RPGR: variants seen among roughly 807,000 people sequenced by gnomAD.
RPGR encodes X-linked retinitis pigmentosa GTPase regulator.
A neutral mutation model predicts 56.3 loss-of-function variants in RPGR; 10 were observed. The ratio of observed to expected loss-of-function variants is 0.18; its 90% CI spans 0.11 to 0.30. The LOEUF (loss-of-function observed/expected upper bound fraction) is 0.30, where lower values mean the gene tolerates loss of function less well. Among genes scored for constraint, RPGR ranks in the 10% least tolerant of loss-of-function variants. The pLI is 1.00. For synonymous variants in RPGR, 197 were observed against 212.9 expected (o/e 0.93, Z 0.65); for missense variants, 538 against 590.9 (o/e 0.91, Z 0.93).
rs902148095 is a variant in RPGR at position 38,287,042 on chromosome X, C to T, written c.1905+52G>A. 1.7e-6 allele frequency: 2 copies of T among 1,210,932 alleles called. No individual in the cohort carries two copies. Among genetic ancestry groups the T allele is most frequent in the East Asian group, 5.9e-5 (2 of 33,782 alleles). ...TCCTCACAGGTTCCATCCCCTCTAC[C>T]TTCAGGCCCATCCTCTGCTTCTCCC... On this transcript the variant is annotated intron_variant, in intron 15 of 18. Transcript: ENST00000642395.
At chrX:38,322,967 T>G (rs912610923) in intron 2 of RPGR, 22 bp from the exon 3 acceptor site, 4 of 1,100,357 alleles carry the variant, frequency 3.6e-6, no homozygotes, top group Non-Finnish European at 5.0e-6. Flanking sequence ...GAAAAAGAAA[T>G]AATCAATTGA....
chrX:38,322,840 A>G lies in RPGR; in HGVS notation c.247+13T>C, dbSNP rs767940470. On this transcript the variant is annotated intron_variant, in intron 3 of 18. Coordinates refer to ENST00000642395, the MANE Select transcript of RPGR (RefSeq NM_000328.3). ...CTTTATACAGTTTGTGAAAAGATAA[A>G]AAGATCCCAAACCTTTGACACATGT... 1 of 1,188,325 alleles carries G rather than the reference A, an allele frequency of 8.4e-7. No homozygotes were observed. The highest frequency in any genetic ancestry group is 1.1e-6 in the Non-Finnish European group (1 of 874,026).
intron 7 of RPGR, among the ~76,000 whole-genome samples, chrX:38,305,813 T>C (rs751176606): frequency 9.1e-6 from 1 of 109,801 alleles, no homozygotes; most frequent in Non-Finnish European, 1.9e-5. Context: ...AGTTTAATAA[T>C]CTATCTTATA....
chrX:38,327,459 G>A lies in RPGR; in HGVS notation c.-92C>T. On this transcript the variant is annotated 5_prime_UTR_variant, in exon 1 of 19. Coordinates refer to ENST00000642395, the MANE Select transcript of RPGR (RefSeq NM_000328.3). Reference sequence around the variant, plus strand: ...AAAGCAGCTACTCCGCACCGACGCGGGCCGCGAAAGCCCCCAAGTTCCGCA... The same window carrying A: ...AAAGCAGCTACTCCGCACCGACGCGAGCCGCGAAAGCCCCCAAGTTCCGCA... 1 of 904,612 alleles carries A rather than the reference G, an allele frequency of 1.1e-6. No homozygotes were observed. Among genetic ancestry groups the A allele is most frequent in the South Asian group, 2.6e-5 (1 of 38,802 alleles). 74.6% of individuals were successfully genotyped at this position (904,612 alleles called of 1,213,427 possible).
chrX:38,327,436 A>G lies in RPGR; in HGVS notation c.-69T>C. The stretch of plus-strand genomic sequence containing the variant: ...TAGAGGACGGTTTGGTCGGGGCTAA[A>G]GCAGCTACTCCGCACCGACGCGGGC... On this transcript the variant is annotated 5_prime_UTR_variant, in exon 1 of 19. Coordinates refer to ENST00000642395, the MANE Select transcript of RPGR (RefSeq NM_000328.3). 9.5e-7 allele frequency: 1 copy of G among 1,053,172 alleles called. No individual in the cohort carries two copies. Among genetic ancestry groups the G allele is most frequent in the Non-Finnish European group, 1.3e-6 (1 of 783,673 alleles). The allele number at this position is 1,053,172 out of a possible 1,213,427, so 86.8% of individuals were successfully genotyped here.
intron 15 of RPGR, among the ~76,000 whole-genome samples, chrX:38,282,448 C>A (rs763166407): frequency 1.8e-5 from 2 of 111,734 alleles, no homozygotes; most frequent in Admixed American, 1.9e-4. Context: ...TCCTTTCAGT[C>A]AAATCCAGTT....
At chrX:38,312,197 A>C (rs2067731317) in intron 6 of RPGR, among the ~76,000 whole-genome samples, 1 of 111,635 alleles carries the variant, frequency 9.0e-6, no homozygotes, top group Non-Finnish European at 1.9e-5. Context: ...TATGGACCAC[A>C]GTTTTCTATG....
At chrX:38,321,571 A>G (rs2067941146) in intron 3 of RPGR, among the ~76,000 whole-genome samples, 1 of 109,265 alleles carries the variant, frequency 9.2e-6, no homozygotes, top group Admixed American at 9.8e-5. Flanking sequence ...GAGGTGGGAG[A>G]ATGGCTGGAG....
In RPGR at chrX:38,323,515, G is replaced by A. The variant is rs1435213397; in HGVS notation, c.38C>T (p.Ala13Val). Residue 13 changes from alanine to valine, a missense_variant, in exon 2 of 19, where the codon GCT becomes GTT. By Grantham distance (64) the Ala-to-Val change is moderately conservative (BLOSUM62 0). This residue lies in a region of RPGR where 181 missense variants were observed against 265.1 expected (regional missense o/e 0.68). Transcript: ENST00000642395. ...TTTACTTTTCCCAAATGTAAACACA[G>A]CACCCGAATCTGCAAATATAAGACG... 3.3e-6 allele frequency: 4 copies of A among 1,206,824 alleles called. No individual in the cohort carries two copies. The highest frequency in any genetic ancestry group is 4.5e-6 in the Non-Finnish European group (4 of 893,486).
intron 8 of RPGR, among the ~76,000 whole-genome samples, chrX:38,301,716 C>A (rs1174661063): frequency 9.0e-6 from 1 of 111,102 alleles, no homozygotes; most frequent in Admixed American, 9.6e-5. Context: ...TATTCTGACC[C>A]CTACATCCCA....
intron 8 of RPGR, chrX:38,303,459 G>A (rs764233435): frequency 9.6e-4 from 164 of 170,558 alleles, no homozygotes; most frequent in Non-Finnish European, 1.5e-3. Context: ...CTAAATATTC[G>A]AATTGTATGT....
chrX:38,290,929 C>T (rs766222323), intron 13 of RPGR, 30 bp downstream of exon 13: 12 of 796,601 alleles, frequency 1.5e-5, no homozygotes, highest in African/African-American at 2.1e-5. Context: ...CTCTCACCAA[C>T]AATAACGAAA....
chrX:38,297,988 C>T (rs1488226966), intron 10 of RPGR, among the ~76,000 whole-genome samples: 2 of 111,744 alleles, frequency 1.8e-5, no homozygotes, highest in East Asian at 5.6e-4. Context: ...GTCATTGGGG[C>T]CGGGCTTGGT....
At chrX:38,296,932 TG>T (rs758768816) in intron 11 of RPGR, among the ~76,000 whole-genome samples, 124 of 112,427 alleles carry the variant, frequency 1.1e-3, no homozygotes, top group Non-Finnish European at 2.0e-3. Context: ...GCAAGTCACT[TG>T]ATCTCTTCAA....
rs1187250468 is a variant in RPGR at position 38,318,819 on chromosome X, C to T, written c.469+10G>A. The T allele has an allele frequency of 8.3e-7, 1 of 1,209,166 alleles. No individual in the cohort carries two copies. The highest frequency in any genetic ancestry group is 2.2e-5 in the Admixed American group (1 of 45,768). ...AATGTGTCCCAGACTGAAAAAGAAA[C>T]AAGTCTCACCAGTTAGGGCAGCTGA... On this transcript the variant is annotated intron_variant, in intron 5 of 18. Coordinates refer to ENST00000642395, the MANE Select transcript of RPGR (RefSeq NM_000328.3).
chrX:38,305,066 G>C (rs1050635562), intron 7 of RPGR, among the ~76,000 whole-genome samples: 2 of 111,633 alleles, frequency 1.8e-5, no homozygotes, highest in Admixed American at 9.5e-5. Flanking sequence ...TATGATACAA[G>C]GCACATAAGT....
chrX:38,283,222 A>G (rs768412001), intron 15 of RPGR, among the ~76,000 whole-genome samples: 1 of 111,908 alleles, frequency 8.9e-6, no homozygotes, highest in African/African-American at 3.2e-5. Context: ...GTGATTAAAT[A>G]AATGTTCGCC....
At chrX:38,327,083 G>A (rs1161913817) in intron 1 of RPGR, 4 of 328,892 alleles carry the variant, frequency 1.2e-5, no homozygotes, top group Non-Finnish European at 2.1e-5. Context: ...AAGTGTCCCT[G>A]CCTTCAAGAA....
intron 17 of RPGR, among the ~76,000 whole-genome samples, chrX:38,274,153 G>A (rs183923666): frequency 3.3e-4 from 37 of 112,069 alleles, no homozygotes; most frequent in African/African-American, 1.1e-3. Flanking sequence ...TCATACTGCC[G>A]TGTGATGGTG....
Sources: gnomAD v4.1 joint callset for allele counts (sites outside exome capture counted in the v4.1 genomes callset) on GRCh38, gnomAD v4.1.1 for gene constraint, gnomAD v4.1.1 regional missense constraint, MANE v1.5 for transcripts, NCBI Gene and HGNC (gene_info 2026-07-23, HGNC 2026-07-21) for gene names.